KCNH7: variants seen among roughly 807,000 people sequenced by gnomAD.
KCNH7 encodes the protein voltage-gated inwardly rectifying potassium channel KCNH7.
Under a neutral mutation model 120.8 loss-of-function variants are expected in KCNH7, and 49 were observed. That is an observed-to-expected ratio of 0.41 (90% confidence interval 0.32 to 0.51). KCNH7 has a LOEUF of 0.51. KCNH7 is among the 20% of genes least tolerant of loss of function. The pLI, the probability that KCNH7 is intolerant of heterozygous loss-of-function variation, is 0.38. For missense variants in KCNH7, 1,097 were observed against 1,446.6 expected (o/e 0.76, Z 3.92); for synonymous variants, 547 against 516.1 (o/e 1.06, Z -0.81).
intron 4 of KCNH7, 105 bp downstream of exon 4, chr2:162,517,625 C>A: frequency 2.0e-6 from 2 of 984,768 alleles, no homozygotes; most frequent in East Asian, 2.6e-5. Context: ...AATCACATTT[C>A]TTTCCCCAAT....
intron 9 of KCNH7, among the ~76,000 whole-genome samples, chr2:162,422,531 T>G (rs1237376056): frequency 6.6e-6 from 1 of 152,156 alleles, no homozygotes; most frequent in Non-Finnish European, 1.5e-5. Context: ...TTGGATTTGT[T>G]GTATAATTTA....
intron 3 of KCNH7, among the ~76,000 whole-genome samples, chr2:162,529,273 A>C (rs1454703635): frequency 2.6e-5 from 4 of 152,000 alleles, no homozygotes; most frequent in African/African-American, 9.7e-5. Flanking sequence ...CTCCCAGGGG[A>C]GAAACAAACA....
At chr2:162,703,669 A>G (rs1482691670) in intron 2 of KCNH7, among the ~76,000 whole-genome samples, 1 of 152,176 alleles carries the variant, frequency 6.6e-6, no homozygotes, top group African/African-American at 2.4e-5. Context: ...GGAATTTTAA[A>G]ACTGATTAAA....
intron 2 of KCNH7, among the ~76,000 whole-genome samples, chr2:162,705,786 T>C (rs907669771): frequency 6.6e-6 from 1 of 152,100 alleles, no homozygotes; most frequent in African/African-American, 2.4e-5. Context: ...TACTTGGTAA[T>C]GAAGTCAGCA....
chr2:162,827,290 T>C (rs1483871847), intron 2 of KCNH7, among the ~76,000 whole-genome samples: 1 of 152,104 alleles, frequency 6.6e-6, no homozygotes, highest in Non-Finnish European at 1.5e-5. Flanking sequence ...ACACCATGTA[T>C]GTCCCTGCTA....
rs559068733 is a variant in KCNH7, at chr2:162,647,882, T to G, written c.308-110802A>C. ...GGGAATAAGAACTATGTTGTATGTATTGTCATATCCCTAGTTTGCCTGTGG... is the reference window on the plus strand; with the variant it reads ...GGGAATAAGAACTATGTTGTATGTAGTGTCATATCCCTAGTTTGCCTGTGG... On this transcript the variant is annotated intron_variant, in intron 2 of 15. Transcript: ENST00000332142. 3.3e-5 allele frequency among the ~76,000 whole-genome samples: 5 copies of G among 152,334 alleles called. No homozygotes were observed. In the South Asian group the frequency reaches 1.0e-3, roughly 32 times the overall value.
At chr2:162,660,517 T>C (rs1308432165) in intron 2 of KCNH7, among the ~76,000 whole-genome samples, 12 of 152,210 alleles carry the variant, frequency 7.9e-5, no homozygotes, top group Admixed American at 7.2e-4. Flanking sequence ...GTATGCTTAA[T>C]GGCATAGAAT....
chr2:162,738,497 G>A (rs967856194), intron 2 of KCNH7, among the ~76,000 whole-genome samples: 5 of 152,124 alleles, frequency 3.3e-5, no homozygotes, highest in Admixed American at 3.3e-4. Flanking sequence ...TGCTGACAGA[G>A]GCTTTCAGAC....
At chr2:162,496,800 C>T (rs1690512870) in intron 6 of KCNH7, 1 of 152,094 alleles carries the variant, frequency 6.6e-6, no homozygotes, top group Admixed American at 6.5e-5. Flanking sequence ...TTGAAAAGTA[C>T]TGCTATATAT....
At chr2:162,436,234 A>G (rs766900613) in intron 7 of KCNH7, among the ~76,000 whole-genome samples, 3 of 152,086 alleles carry the variant, frequency 2.0e-5, no homozygotes, top group Non-Finnish European at 4.4e-5. Context: ...TGAGTTGCAA[A>G]CCATCTGTAT....
At chr2:162,648,052 A>C (rs771014345) in intron 2 of KCNH7, among the ~76,000 whole-genome samples, 4 of 152,198 alleles carry the variant, frequency 2.6e-5, no homozygotes, top group Non-Finnish European at 5.9e-5. Flanking sequence ...TGAATTACCT[A>C]TTATAAACTT....
chr2:162,779,805 G>A (rs1683407694), intron 2 of KCNH7, among the ~76,000 whole-genome samples: 1 of 152,058 alleles, frequency 6.6e-6, no homozygotes, highest in Non-Finnish European at 1.5e-5. Context: ...CCGTGTCATT[G>A]TACATAACCA....
In KCNH7 at chr2:162,558,299, T is replaced by C. The variant is rs562862826; in HGVS notation, c.308-21219A>G. Among the ~76,000 whole-genome samples the C allele has an allele frequency of 1.9e-4, 29 of 151,962 alleles. 1 individual carries two copies. In the East Asian group the frequency reaches 4.5e-3, roughly 23 times the overall value. ...ACGCCATTCTCCTGCCTCAGCCTCC[T>C]GAGTAGCTGGGACTACAGGTGCCCG... On this transcript the variant is annotated intron_variant, in intron 2 of 15. Transcript: ENST00000332142.
chr2:162,465,615 T>A (rs1439380186), intron 6 of KCNH7, among the ~76,000 whole-genome samples: 1 of 152,148 alleles, frequency 6.6e-6, no homozygotes, highest in East Asian at 1.9e-4. Flanking sequence ...AAGGATATTG[T>A]TTTGTATAGG....
chr2:162,404,129 G>A, intron 9 of KCNH7, among the ~76,000 whole-genome samples: 1 of 151,798 alleles, frequency 6.6e-6, no homozygotes, highest in East Asian at 2.0e-4. Flanking sequence ...TGGCAGATCT[G>A]GCTACAAAGA....
chr2:162,473,799 GA>G (rs1689646288), intron 6 of KCNH7, among the ~76,000 whole-genome samples: 1 of 152,204 alleles, frequency 6.6e-6, no homozygotes, highest in Admixed American at 6.5e-5. Flanking sequence ...GGAGTACAGA[GA>G]AAACCACTTT....
chr2:162,561,166 A>G (rs1006440025), intron 2 of KCNH7, among the ~76,000 whole-genome samples: 2 of 151,826 alleles, frequency 1.3e-5, no homozygotes, highest in Non-Finnish European at 2.9e-5. Flanking sequence ...TTTATATTCT[A>G]TCAAGATCAT....
chr2:162,393,127 G>A (rs1003912053), intron 12 of KCNH7, among the ~76,000 whole-genome samples: 10 of 151,978 alleles, frequency 6.6e-5, no homozygotes, highest in Non-Finnish European at 1.0e-4. Context: ...TTGATGGAGA[G>A]GTTGTGAGAA....
At chr2:162,641,414 G>T (rs1049722796) in intron 2 of KCNH7, among the ~76,000 whole-genome samples, 1 of 152,118 alleles carries the variant, frequency 6.6e-6, no homozygotes, top group Non-Finnish European at 1.5e-5. Context: ...AGATTACATT[G>T]TATGTGATTC....
Sources: gnomAD v4.1 joint callset for allele counts (sites outside exome capture counted in the v4.1 genomes callset) on GRCh38, gnomAD v4.1.1 for gene constraint, MANE v1.5 for transcripts, NCBI Gene and HGNC (gene_info 2026-07-23, HGNC 2026-07-21) for gene names.